Variants in SPAG16 observed in about 807,000 individuals in gnomAD.
The protein encoded by SPAG16 is sperm associated antigen 16, also known as sperm-associated antigen 16 protein.
In SPAG16, 86 loss-of-function variants were observed where a neutral mutation model predicts 80.4. The observed-to-expected ratio is 1.07, with a 90% confidence interval of 0.90 to 1.28. The LOEUF (loss-of-function observed/expected upper bound fraction) is 1.28, where lower values mean the gene tolerates loss of function less well. Ranked by LOEUF, SPAG16 falls within the 50% of genes most tolerant of loss-of-function variation. The pLI, the probability that SPAG16 is intolerant of heterozygous loss-of-function variation, is 0.00. For missense variants in SPAG16, 870 were observed against 765.3 expected, an observed-to-expected ratio of 1.14 and a Z score of -1.61; for synonymous variants, 294 against 265.9, an observed-to-expected ratio of 1.11 and a Z score of -1.03.
chr2:214,390,678 G>A (rs1466707933), intron 15 of SPAG16, among the ~76,000 whole-genome samples: 1 of 152,146 alleles, frequency 6.6e-6, no homozygotes, highest in Admixed American at 6.5e-5. Context: ...AGAGGCAGGG[G>A]AGCACAGCCT....
intron 10 of SPAG16, among the ~76,000 whole-genome samples, chr2:213,678,784 C>G (rs559349519): frequency 6.6e-6 from 1 of 152,114 alleles, no homozygotes; most frequent in Non-Finnish European, 1.5e-5. Flanking sequence ...AAAGGTTGTA[C>G]GCAGGCAGCA....
At chr2:213,623,332 GT>G (rs2061851182) in intron 10 of SPAG16, among the ~76,000 whole-genome samples, 1 of 151,696 alleles carries the variant, frequency 6.6e-6, no homozygotes, top group South Asian at 2.1e-4. Flanking sequence ...GTAAAATTAT[GT>G]TTTTTTCCTG....
chr2:213,679,633 A>AT (rs2064279733), intron 10 of SPAG16, among the ~76,000 whole-genome samples: 1 of 152,174 alleles, frequency 6.6e-6, no homozygotes, highest in South Asian at 2.1e-4. Flanking sequence ...TGTGTTTGCC[A>AT]TTTTGTCTGT....
rs111745737 is a variant in SPAG16, at chr2:213,556,268, G to A, written c.1070+66178G>A. Among the ~76,000 whole-genome samples, 108 of 130,572 alleles carry A rather than the reference G, an allele frequency of 8.3e-4. 2 individuals carry two copies. The highest frequency in any genetic ancestry group is 5.7e-3 in the Middle Eastern group (1 of 174). 85.7% of individuals were successfully genotyped at this position (130,572 alleles called of 152,430 possible). A position where few individuals can be genotyped will look rare whatever the true frequency, so the allele number is the denominator to read the frequency against. Reference sequence around the variant, plus strand: ...TCAATATAAATGATTACATCTTCCAGTCAAAAGATGTAAGGGGGCTGAATG... The same window carrying A: ...TCAATATAAATGATTACATCTTCCAATCAAAAGATGTAAGGGGGCTGAATG... On this transcript the variant is annotated intron_variant, in intron 10 of 15. Coordinates refer to ENST00000331683, the MANE Select transcript of SPAG16 (RefSeq NM_024532.5).
intron 11 of SPAG16, among the ~76,000 whole-genome samples, chr2:213,865,184 G>C (rs184639726): frequency 6.6e-6 from 1 of 152,004 alleles, no homozygotes; most frequent in Admixed American, 6.5e-5. Flanking sequence ...TAAATTTTTT[G>C]AGTTCATTTA....
At chr2:214,230,732 G>T (rs1327877526) in intron 15 of SPAG16, among the ~76,000 whole-genome samples, 2 of 151,856 alleles carry the variant, frequency 1.3e-5, no homozygotes, top group African/African-American at 4.8e-5. Context: ...CAAAGTACAG[G>T]CTAGTTCTAA....
At chr2:214,163,496 C>T (rs1478616058) in intron 15 of SPAG16, among the ~76,000 whole-genome samples, 2 of 150,106 alleles carry the variant, frequency 1.3e-5, no homozygotes, top group Non-Finnish European at 3.0e-5. Context: ...TAAACAGAAC[C>T]AATATGTGTG....
chr2:214,149,397 A>C, intron 15 of SPAG16, 131 bp downstream of exon 15: 2 of 769,312 alleles, frequency 2.6e-6, no homozygotes, highest in Non-Finnish European at 3.6e-6. Flanking sequence ...ATTATATTAC[A>C]TTACATTAAG....
intron 12 of SPAG16, among the ~76,000 whole-genome samples, chr2:213,963,655 T>C (rs1269787140): frequency 6.6e-6 from 1 of 152,170 alleles, no homozygotes; most frequent in Non-Finnish European, 1.5e-5. Context: ...TTTGTTGAAT[T>C]GTTTATTTCT....
chr2:213,959,138 C>T (rs997770897), intron 12 of SPAG16, among the ~76,000 whole-genome samples: 14 of 152,146 alleles, frequency 9.2e-5, no homozygotes, highest in African/African-American at 3.4e-4. Context: ...TCTTATTGAG[C>T]ATCACTTGCA....
chr2:213,932,171 TA>T (rs1559602414), intron 12 of SPAG16, among the ~76,000 whole-genome samples: 2,610 of 79,050 alleles, frequency 0.033, 90 homozygotes, highest in Non-Finnish European at 0.043. Context: ...TATATATATA[TA>T]TATATATATA....
chr2:213,839,470 A>G (rs1217816381), intron 10 of SPAG16, among the ~76,000 whole-genome samples: 1 of 152,220 alleles, frequency 6.6e-6, no homozygotes, highest in Admixed American at 6.5e-5. Context: ...ATATCAATAG[A>G]CTTTCCTTAT....
chr2:213,471,128 C>G (rs1222715676), intron 9 of SPAG16, among the ~76,000 whole-genome samples: 1 of 152,192 alleles, frequency 6.6e-6, no homozygotes. Context: ...CAGCTGTCTA[C>G]TTTTGGGTGG....
At chr2:213,940,823 C>T (rs1387787633) in intron 12 of SPAG16, among the ~76,000 whole-genome samples, 1 of 152,126 alleles carries the variant, frequency 6.6e-6, no homozygotes, top group African/African-American at 2.4e-5. Flanking sequence ...ATTGTATATG[C>T]AATAACTTCT....
rs182863679 is a variant in SPAG16 at position 213,894,289 on chromosome 2, T to G, written c.1214+31661T>G. Among the ~76,000 whole-genome samples, 872 of 152,292 alleles carry G rather than the reference T, an allele frequency of 5.7e-3. 6 individuals are homozygous for G. The highest frequency in any genetic ancestry group is 9.0e-3 in the Non-Finnish European group (612 of 68,014). ...TCAGGAGTGCAAGGATGGTTCAGCA[T>G]ACACAAATCAATAAATATGTACATC... On this transcript the variant is annotated intron_variant, in intron 11 of 15. Transcript: ENST00000331683.
chr2:214,388,761 G>A (rs779089445), intron 15 of SPAG16, among the ~76,000 whole-genome samples: 2 of 152,116 alleles, frequency 1.3e-5, no homozygotes, highest in African/African-American at 2.4e-5. Context: ...GAATTTTTTG[G>A]ATGTCTTTGG....
At chr2:214,342,871 T>C (rs1473552059) in intron 15 of SPAG16, among the ~76,000 whole-genome samples, 2 of 152,168 alleles carry the variant, frequency 1.3e-5, no homozygotes, top group Non-Finnish European at 2.9e-5. Flanking sequence ...CTTTTCATTA[T>C]CCATTATTAG....
intron 12 of SPAG16, among the ~76,000 whole-genome samples, chr2:213,984,968 G>A (rs147077098): frequency 3.5e-4 from 54 of 152,180 alleles, no homozygotes; most frequent in African/African-American, 1.2e-3. Context: ...ACCTACTTAA[G>A]TGGTACCTTC....
chr2:213,776,818 T>C (rs2069608156), intron 10 of SPAG16, among the ~76,000 whole-genome samples: 1 of 125,346 alleles, frequency 8.0e-6, no homozygotes, highest in African/African-American at 2.8e-5. Context: ...TTACCAGCGT[T>C]CTATGCCACC....
Sources: allele counts gnomAD v4.1 joint callset (sites outside exome capture counted in the v4.1 genomes callset), GRCh38; gene constraint gnomAD v4.1.1; transcripts MANE v1.5; gene names NCBI Gene and HGNC (gene_info 2026-07-23, HGNC 2026-07-21).